TRPC6: variants seen among roughly 807,000 people sequenced by gnomAD.
The protein encoded by TRPC6 is short transient receptor potential channel 6.
In TRPC6, 55 loss-of-function variants were observed where a neutral mutation model predicts 90.7. The observed-to-expected ratio is 0.61, with a 90% CI of 0.49 to 0.76. The LOEUF is 0.76. Among genes scored for constraint, TRPC6 ranks in the 30% least tolerant of loss-of-function variants. The pLI is 0.00. For synonymous variants in TRPC6, 393 were observed against 393.0 expected, an observed-to-expected ratio of 1.00 and a Z score of 0.00; for missense variants, 989 against 1,122.7, an observed-to-expected ratio of 0.88 and a Z score of 1.70.
intron 1 of TRPC6, among the ~76,000 whole-genome samples, chr11:101,533,746 C>G (rs755922342): frequency 4.7e-4 from 72 of 152,102 alleles, no homozygotes; most frequent in Non-Finnish European, 8.7e-4. Context: ...ACAGGGACTT[C>G]TATCTTTCTC....
intron 1 of TRPC6, among the ~76,000 whole-genome samples, chr11:101,528,102 T>G (rs1023438614): frequency 3.3e-5 from 5 of 152,150 alleles, no homozygotes; most frequent in African/African-American, 1.2e-4. Flanking sequence ...TTTGTCTATG[T>G]CTATCTGTAT....
chr11:101,455,926 T>C (rs1858871855), intron 10 of TRPC6, among the ~76,000 whole-genome samples: 1 of 152,156 alleles, frequency 6.6e-6, no homozygotes, highest in Non-Finnish European at 1.5e-5. Flanking sequence ...TAAGCAATTA[T>C]GGTATAGCTG....
chr11:101,510,413 C>T (rs1226218447), intron 1 of TRPC6, among the ~76,000 whole-genome samples: 1 of 152,136 alleles, frequency 6.6e-6, no homozygotes, highest in Non-Finnish European at 1.5e-5. Context: ...CTCCATAGCA[C>T]TACTTCAACA....
Position 101,473,547 on chromosome 11 carries a change from G to T in TRPC6, c.1971C>A (p.Ser657=), listed in dbSNP as rs748391168. Residue 657 remains serine (S), a synonymous_variant, in exon 7 of 13, where the codon TCC becomes TCA. Coordinates refer to ENST00000344327, the MANE Select transcript of TRPC6 (RefSeq NM_004621.6). ...AFMIGMFNLY[S]YYIGAKQNEA... ...CATTTTGTTTTGCACCAATGTAGTA[G>T]GAGTAGAGATTGAACATTCCAATCA... 1 of 1,613,526 alleles carries T rather than the reference G, an allele frequency of 6.2e-7. No homozygotes were observed. The highest frequency in any genetic ancestry group is 2.2e-5 in the East Asian group (1 of 44,812).
At chr11:101,507,774 T>C (rs979639546) in intron 1 of TRPC6, among the ~76,000 whole-genome samples, 2 of 152,114 alleles carry the variant, frequency 1.3e-5, no homozygotes, top group African/African-American at 4.8e-5. Flanking sequence ...GGTTGTTTAT[T>C]GAAGGGAGTC....
At chr11:101,536,975 G>GA (rs1861064075) in intron 1 of TRPC6, among the ~76,000 whole-genome samples, 1 of 152,166 alleles carries the variant, frequency 6.6e-6, no homozygotes. Flanking sequence ...TCTTGGAAAG[G>GA]TAGAATTGAT....
At chr11:101,460,144 TG>T (rs1170564290) in intron 10 of TRPC6, among the ~76,000 whole-genome samples, 1 of 152,140 alleles carries the variant, frequency 6.6e-6, no homozygotes, top group Non-Finnish European at 1.5e-5. Flanking sequence ...TGATCAAACA[TG>T]GTGAATTTTA....
Position 101,556,473 on chromosome 11 carries a change from T to C in TRPC6, c.170+26861A>G, listed in dbSNP as rs537336695. Among the ~76,000 whole-genome samples, 199 of 152,256 alleles carry C rather than the reference T, an allele frequency of 1.3e-3. 1 individual carries two copies. The highest frequency in any genetic ancestry group is 4.6e-3 in the African/African-American group (193 of 41,554). ...GGATAACCTAGAAGAAATAAATTCCTAGATACATAGAACCCGCCAAGACTG... is the reference window on the plus strand; with the variant it reads ...GGATAACCTAGAAGAAATAAATTCCCAGATACATAGAACCCGCCAAGACTG... On this transcript the variant is annotated intron_variant, in intron 1 of 12. Coordinates refer to ENST00000344327, the MANE Select transcript of TRPC6 (RefSeq NM_004621.6).
At chr11:101,530,638 G>T (rs1220249574) in intron 1 of TRPC6, among the ~76,000 whole-genome samples, 1 of 151,978 alleles carries the variant, frequency 6.6e-6, no homozygotes, top group Non-Finnish European at 1.5e-5. Context: ...CCTTGAAGTG[G>T]ACCCTTGTAC....
chr11:101,487,389 C>A lies in TRPC6; in HGVS notation c.1293+1548G>T, dbSNP rs1235751953. ...GAGGACAATTTAGAAATGTATTTGT[C>A]TAAATTTAAGGGATACCAGTGCAAT... On this transcript the variant is annotated intron_variant, in intron 4 of 12. Transcript: ENST00000344327. 2.0e-5 allele frequency among the ~76,000 whole-genome samples: 3 copies of A among 152,116 alleles called. No homozygotes were observed. In the East Asian group the frequency reaches 5.8e-4, roughly 29 times the overall value.
chr11:101,518,369 G>A (rs1400599669), intron 1 of TRPC6, among the ~76,000 whole-genome samples: 11 of 151,928 alleles, frequency 7.2e-5, no homozygotes, highest in East Asian at 3.8e-4. Flanking sequence ...TAATCTAATC[G>A]AAAAATAGGC....
chr11:101,458,347 C>G, intron 10 of TRPC6, among the ~76,000 whole-genome samples: 1 of 152,184 alleles, frequency 6.6e-6, no homozygotes, highest in Non-Finnish European at 1.5e-5. Context: ...GTCAGTGATT[C>G]ACGCATTCAG....
chr11:101,578,204 T>C (rs1248968430), intron 1 of TRPC6, among the ~76,000 whole-genome samples: 1 of 152,176 alleles, frequency 6.6e-6, no homozygotes, highest in Non-Finnish European at 1.5e-5. Context: ...TGTAAAAATG[T>C]GTAACAGATG....
At chr11:101,501,394 G>A (rs1438784949) in intron 2 of TRPC6, among the ~76,000 whole-genome samples, 1 of 151,794 alleles carries the variant, frequency 6.6e-6, no homozygotes, top group African/African-American at 2.4e-5. Context: ...TTCTAACATG[G>A]CTATATATTA....
chr11:101,577,774 T>C (rs766788115), intron 1 of TRPC6, among the ~76,000 whole-genome samples: 3 of 152,184 alleles, frequency 2.0e-5, no homozygotes, highest in Non-Finnish European at 4.4e-5. Flanking sequence ...ATTAATTCTC[T>C]TTGGTAAAGA....
chr11:101,483,904 C>G (rs7952474), intron 4 of TRPC6, among the ~76,000 whole-genome samples: 53,270 of 151,942 alleles, frequency 0.35, 10,711 homozygotes, highest in African/African-American at 0.55. Context: ...TTATAGTACA[C>G]GATTCATCTC....
At chr11:101,510,037 A>G (rs535820181) in intron 1 of TRPC6, among the ~76,000 whole-genome samples, 1 of 152,272 alleles carries the variant, frequency 6.6e-6, no homozygotes, top group South Asian at 2.1e-4. Flanking sequence ...CACCCCTTGC[A>G]TGAGTAGTAA....
intron 1 of TRPC6, among the ~76,000 whole-genome samples, chr11:101,559,604 A>G (rs1861665745): frequency 1.3e-5 from 2 of 151,468 alleles, no homozygotes; most frequent in Non-Finnish European, 2.9e-5. Flanking sequence ...TTGTTTCTCT[A>G]CACCTAAGAG....
At chr11:101,546,480 A>G (rs1861310730) in intron 1 of TRPC6, among the ~76,000 whole-genome samples, 1 of 152,216 alleles carries the variant, frequency 6.6e-6, no homozygotes, top group South Asian at 2.1e-4. Context: ...AAATACATGC[A>G]TAAGTTAATG....
Sources: gnomAD v4.1 joint callset for allele counts (sites outside exome capture counted in the v4.1 genomes callset) on GRCh38, gnomAD v4.1.1 for gene constraint, MANE v1.5 for transcripts, NCBI Gene and HGNC (gene_info 2026-07-23, HGNC 2026-07-21) for gene names.